Variants in CYTH1 observed in about 807,000 individuals in gnomAD.
CYTH1 encodes cytohesin-1.
In CYTH1, 18 loss-of-function variants were observed where a neutral mutation model predicts 61.8. The ratio of observed to expected loss-of-function variants is 0.29; its 90% CI spans 0.20 to 0.43. CYTH1 has a LOEUF of 0.43. Ranked by LOEUF, CYTH1 falls within the 20% of genes least tolerant of loss-of-function variation. The pLI, the probability that CYTH1 is intolerant of heterozygous loss-of-function variation, is 1.00. For synonymous variants in CYTH1, 174 were observed against 184.3 expected, an observed-to-expected ratio of 0.94 and a Z score of 0.45; for missense variants, 336 against 510.5, an observed-to-expected ratio of 0.66 and a Z score of 3.29.
At chr17:78,773,401 G>A (rs1195496704) in intron 1 of CYTH1, among the ~76,000 whole-genome samples, 2 of 152,070 alleles carry the variant, frequency 1.3e-5, no homozygotes, top group Non-Finnish European at 2.9e-5. Flanking sequence ...AGGCCGAGGC[G>A]GACGGATCAC....
chr17:78,764,382 C>CT (rs1375641759), intron 1 of CYTH1, among the ~76,000 whole-genome samples: 3 of 151,662 alleles, frequency 2.0e-5, no homozygotes, highest in African/African-American at 7.3e-5. Flanking sequence ...AGGATGGTCT[C>CT]TATCTCTTGA....
At chr17:78,741,123 T>C (rs998062930) in intron 1 of CYTH1, among the ~76,000 whole-genome samples, 1 of 152,252 alleles carries the variant, frequency 6.6e-6, no homozygotes, top group Admixed American at 6.5e-5. Flanking sequence ...TTGATGCAAG[T>C]GTTGTTGATT....
chr17:78,720,175 A>G (rs763441560), intron 1 of CYTH1, among the ~76,000 whole-genome samples: 36 of 152,138 alleles, frequency 2.4e-4, no homozygotes, highest in Non-Finnish European at 4.7e-4. Flanking sequence ...TGGATTGCAC[A>G]ATAATATGAA....
chr17:78,772,272 C>T (rs896544460), intron 1 of CYTH1, among the ~76,000 whole-genome samples: 7 of 152,106 alleles, frequency 4.6e-5, no homozygotes, highest in Non-Finnish European at 2.9e-5. Context: ...AGTCTTCCAC[C>T]GGTCCAGCAC....
At chr17:78,730,855 G>A (rs1485547384) in intron 1 of CYTH1, among the ~76,000 whole-genome samples, 1 of 151,810 alleles carries the variant, frequency 6.6e-6, no homozygotes, top group African/African-American at 2.4e-5. Flanking sequence ...TAGTAGAGAT[G>A]GGGTTTCACC....
intron 1 of CYTH1, among the ~76,000 whole-genome samples, chr17:78,718,472 T>C (rs1268869891): frequency 1.3e-5 from 2 of 152,178 alleles, no homozygotes; most frequent in Non-Finnish European, 2.9e-5. Flanking sequence ...ACAGTGATCA[T>C]GGCGTGAGGG....
At chr17:78,680,933 C>T in intron 12 of CYTH1, 38 bp downstream of exon 12, 3 of 1,602,056 alleles carry the variant, frequency 1.9e-6, no homozygotes, top group Admixed American at 1.7e-5. Flanking sequence ...ATGCCCATCC[C>T]CTTTCTCCCC....
At chr17:78,773,903 A>AGGG (rs2093481174) in intron 1 of CYTH1, among the ~76,000 whole-genome samples, 1 of 152,220 alleles carries the variant, frequency 6.6e-6, no homozygotes, top group East Asian at 1.9e-4. Context: ...AAAAGAGTTA[A>AGGG]CCTAAGTTAA....
intron 11 of CYTH1, among the ~76,000 whole-genome samples, 174 bp downstream of exon 11, chr17:78,692,243 G>A (rs559534386): frequency 2.2e-4 from 33 of 152,198 alleles, no homozygotes; most frequent in African/African-American, 7.5e-4. Flanking sequence ...TCTTCTCAGG[G>A]GTTCCCCATT....
intron 11 of CYTH1, 114 bp downstream of exon 11, chr17:78,692,303 C>A: frequency 9.4e-7 from 1 of 1,066,126 alleles, no homozygotes; most frequent in Non-Finnish European, 1.4e-6. Context: ...CCCCCATCCC[C>A]CACAGATACT....
intron 1 of CYTH1, among the ~76,000 whole-genome samples, chr17:78,776,115 A>G (rs1420935104): frequency 6.6e-6 from 1 of 152,208 alleles, no homozygotes; most frequent in Non-Finnish European, 1.5e-5. Flanking sequence ...AGATCACGCC[A>G]CTGCACTTCA....
At chr17:78,745,996 C>T (rs1208691281) in intron 1 of CYTH1, among the ~76,000 whole-genome samples, 1 of 152,188 alleles carries the variant, frequency 6.6e-6, no homozygotes, top group Non-Finnish European at 1.5e-5. Context: ...TGTATATTCA[C>T]CAGTACTGAT....
chr17:78,756,084 T>TC (rs199521288), intron 1 of CYTH1, among the ~76,000 whole-genome samples: 1 of 149,890 alleles, frequency 6.7e-6, no homozygotes, highest in Admixed American at 6.6e-5. Context: ...TTTTTATTTT[T>TC]TTTTTTTTTG....
intron 1 of CYTH1, among the ~76,000 whole-genome samples, chr17:78,712,973 G>A (rs2093149154): frequency 6.6e-6 from 1 of 151,794 alleles, no homozygotes; most frequent in Admixed American, 6.6e-5. Context: ...TCAAGACCCA[G>A]GACTCCAGCT....
intron 1 of CYTH1, among the ~76,000 whole-genome samples, chr17:78,761,689 G>T (rs2093429431): frequency 6.6e-6 from 1 of 152,086 alleles, no homozygotes; most frequent in African/African-American, 2.4e-5. Context: ...AGTGAGACGA[G>T]ATCACGCCAC....
At chr17:78,706,856 C>G (rs1257173599) in intron 3 of CYTH1, among the ~76,000 whole-genome samples, 2 of 152,180 alleles carry the variant, frequency 1.3e-5, no homozygotes, top group African/African-American at 2.4e-5. Context: ...CATATGGCTT[C>G]TTTTGTAAAG....
At chr17:78,676,583 G>A (rs2092701757) in intron 13 of CYTH1, 1 of 279,860 alleles carries the variant, frequency 3.6e-6, no homozygotes, top group Non-Finnish European at 7.0e-6. Context: ...CTGGCACGGG[G>A]TGTGTGATAG....
At chr17:78,749,315 C>T (rs1378803456) in intron 1 of CYTH1, among the ~76,000 whole-genome samples, 1 of 152,056 alleles carries the variant, frequency 6.6e-6, no homozygotes, top group Non-Finnish European at 1.5e-5. Flanking sequence ...TAAAAATTAG[C>T]CAGGCATGGT....
intron 9 of CYTH1, chr17:78,696,779 G>C (rs1390584115): frequency 6.6e-6 from 1 of 152,198 alleles, no homozygotes; most frequent in East Asian, 1.9e-4. Context: ...TTTAGTATCT[G>C]GGCTGTCAAA....
Sources: gnomAD v4.1 joint callset for allele counts (sites outside exome capture counted in the v4.1 genomes callset) on GRCh38, gnomAD v4.1.1 for gene constraint, MANE v1.5 for transcripts, NCBI Gene and HGNC (gene_info 2026-07-23, HGNC 2026-07-21) for gene names.